The following GBE1 variants were observed in gnomAD, a reference collection of about 807,000 sequenced individuals.
The protein encoded by GBE1 is 1,4-alpha-glucan branching enzyme 1.
In GBE1, 70 loss-of-function variants were observed where a neutral mutation model predicts 88.8. The observed-to-expected ratio is 0.79, with a 90% confidence interval of 0.65 to 0.96. The LOEUF is 0.96. Among genes scored for constraint, GBE1 ranks in the 40% least tolerant of loss-of-function variants. The pLI is 0.00. For synonymous variants in GBE1, 284 were observed against 300.1 expected (o/e 0.95, Z 0.56); for missense variants, 872 against 871.0 (o/e 1.00, Z -0.01).
At chr3:81,576,097 A>T (rs948974411) in intron 12 of GBE1, among the ~76,000 whole-genome samples, 1 of 151,776 alleles carries the variant, frequency 6.6e-6, no homozygotes, top group Non-Finnish European at 1.5e-5. Flanking sequence ...ATTATTTTTC[A>T]GTCAGTAATA....
intron 1 of GBE1, among the ~76,000 whole-genome samples, chr3:81,747,725 A>G (rs937015099): frequency 2.0e-5 from 3 of 152,156 alleles, no homozygotes; most frequent in African/African-American, 7.2e-5. Flanking sequence ...TAACTGAGTG[A>G]TTAACCCTTT....
chr3:81,640,441 T>A (rs1230106983), intron 7 of GBE1, among the ~76,000 whole-genome samples: 1 of 152,082 alleles, frequency 6.6e-6, no homozygotes, highest in Non-Finnish European at 1.5e-5. Flanking sequence ...TTTGGACTCT[T>A]GGGCCTTTCA....
In GBE1 at chr3:81,760,361, A is replaced by G. The variant is rs143183044; in HGVS notation, c.143+1014T>C. Among the ~76,000 whole-genome samples, 11 of 152,362 alleles carry G rather than the reference A, an allele frequency of 7.2e-5. No individual in the cohort carries two copies. In the East Asian group the frequency reaches 1.3e-3, roughly 19 times the overall value. ...ACAAACAATTTGCTGGGCTTTTTTC[A>G]AACTCCAAATCAACCCATTTTCATT... is the stretch of plus-strand genomic sequence containing the variant. On this transcript the variant is annotated intron_variant, in intron 1 of 15. Transcript: ENST00000429644.
chr3:81,609,522 C>T (rs1026366946), intron 7 of GBE1, among the ~76,000 whole-genome samples: 1 of 151,948 alleles, frequency 6.6e-6, no homozygotes, highest in Non-Finnish European at 1.5e-5. Flanking sequence ...CTTCTAAAAT[C>T]TTATTTTCTA....
chr3:81,504,981 G>A (rs557740935), intron 14 of GBE1, among the ~76,000 whole-genome samples: 1 of 152,294 alleles, frequency 6.6e-6, no homozygotes, highest in Non-Finnish European at 1.5e-5. Flanking sequence ...CCAGTGACTA[G>A]ACGACTATAA....
At chr3:81,550,144 A>C (rs1013940923) in intron 12 of GBE1, among the ~76,000 whole-genome samples, 3 of 151,574 alleles carry the variant, frequency 2.0e-5, no homozygotes, top group Non-Finnish European at 4.4e-5. Context: ...AGTTTACTTG[A>C]GATAATTTTA....
rs188212639 is a variant in GBE1 at position 81,649,666 on chromosome 3, A to T, written c.555+130T>A. ...GATACTCATACAGTATAAAAGGAAT[A>T]CTATGATGTAAAATACGCAACTGTC... On this transcript the variant is annotated intron_variant, in intron 4 of 15. Coordinates refer to ENST00000429644, the MANE Select transcript of GBE1 (RefSeq NM_000158.4). 2.2e-4 allele frequency: 143 copies of T among 655,694 alleles called. No homozygotes were observed. In the East Asian group the frequency reaches 4.1e-3, roughly 19 times the overall value. The allele number at this position is 655,694 out of a possible 1,614,324, so 40.6% of individuals were successfully genotyped here. A position where few individuals can be genotyped will look rare whatever the true frequency, so the allele number is the denominator to read the frequency against.
intron 7 of GBE1, among the ~76,000 whole-genome samples, chr3:81,602,942 G>A (rs1337292197): frequency 6.6e-6 from 1 of 151,848 alleles, no homozygotes; most frequent in Non-Finnish European, 1.5e-5. Context: ...TCTTTTCTTG[G>A]CTGACTCATG....
At chr3:81,619,422 T>C (rs1412123680) in intron 7 of GBE1, among the ~76,000 whole-genome samples, 1 of 152,160 alleles carries the variant, frequency 6.6e-6, no homozygotes, top group Non-Finnish European at 1.5e-5. Context: ...ATTTCACATA[T>C]ATTAAGGGTA....
chr3:81,509,917 G>T (rs1273841877), intron 14 of GBE1, among the ~76,000 whole-genome samples: 1 of 151,594 alleles, frequency 6.6e-6, no homozygotes, highest in East Asian at 1.9e-4. Context: ...CCTTCATTTT[G>T]GATAATTTAT....
intron 7 of GBE1, among the ~76,000 whole-genome samples, chr3:81,629,018 GTTTTT>G (rs34707682): frequency 5.1e-5 from 5 of 98,002 alleles, no homozygotes; most frequent in Admixed American, 1.2e-4. Context: ...TTATGTTTAA[GTTTTT>G]TTTTTTTTTT....
Position 81,705,546 on chromosome 3 carries a change from T to G in GBE1, c.211A>C (p.Arg71=), listed in dbSNP as rs1576206635. The change falls in exon 2 of 16, where the codon AGA becomes CGA. Residue 71 remains arginine (R), a synonymous_variant. Coordinates refer to ENST00000429644, the MANE Select transcript of GBE1 (RefSeq NM_000158.4). ...TGGACGCCAAATGATTCATAGCCTCTGGAAAACTTATCAATACCACCTTCA... is the reference window on the plus strand; with the variant it reads ...TGGACGCCAAATGATTCATAGCCTCGGGAAAACTTATCAATACCACCTTCA... ...ENEGGIDKFS[R]GYESFGVHRC... 1.3e-6 allele frequency: 2 copies of G among 1,595,222 alleles called. No homozygotes were observed. The highest frequency in any genetic ancestry group is 2.3e-5 in the South Asian group (2 of 87,858).
intron 1 of GBE1, among the ~76,000 whole-genome samples, chr3:81,724,256 C>G (rs1454061565): frequency 1.3e-5 from 2 of 152,114 alleles, no homozygotes; most frequent in Non-Finnish European, 2.9e-5. Flanking sequence ...TTATATAACT[C>G]ACTTTAAGTG....
chr3:81,532,568 A>C (rs1382556659), intron 14 of GBE1, among the ~76,000 whole-genome samples: 1 of 152,076 alleles, frequency 6.6e-6, no homozygotes, highest in African/African-American at 2.4e-5. Flanking sequence ...CTGTACTTCC[A>C]ATCTCTTTCC....
chr3:81,552,441 C>T lies in GBE1; in HGVS notation c.1619-15346G>A, dbSNP rs537627752. On this transcript the variant is annotated intron_variant, in intron 12 of 15. Transcript: ENST00000429644. The stretch of plus-strand genomic sequence containing the variant: ...CTGAGGCAGGAAAATTGCTTGAACC[C>T]GGAAGGTGGAGGTTGCAGTGAGCTG... Among the ~76,000 whole-genome samples the T allele has an allele frequency of 3.9e-4, 59 of 151,010 alleles. 1 individual carries two copies. The highest frequency in any genetic ancestry group is 2.3e-3 in the Admixed American group (35 of 15,132).
intron 3 of GBE1, among the ~76,000 whole-genome samples, chr3:81,650,903 T>C (rs1481296928): frequency 2.6e-5 from 4 of 152,174 alleles, no homozygotes; most frequent in African/African-American, 9.6e-5. Flanking sequence ...CTTGAGCTCC[T>C]GGGCTCAAGT....
chr3:81,528,231 G>T (rs572635877), intron 14 of GBE1, among the ~76,000 whole-genome samples: 25 of 139,992 alleles, frequency 1.8e-4, no homozygotes, highest in Admixed American at 1.6e-3. Context: ...GTGGGAGGAG[G>T]GGGGAGGGGG....
intron 14 of GBE1, among the ~76,000 whole-genome samples, chr3:81,523,253 T>C (rs1455160242): frequency 6.6e-6 from 1 of 151,082 alleles, no homozygotes; most frequent in East Asian, 1.9e-4. Flanking sequence ...GATAGATCCT[T>C]ATAGCTTGAC....
At chr3:81,678,946 C>T (rs780863792) in intron 2 of GBE1, among the ~76,000 whole-genome samples, 4 of 152,062 alleles carry the variant, frequency 2.6e-5, no homozygotes, top group Non-Finnish European at 4.4e-5. Context: ...AAAACATCTA[C>T]TGATAGTAGG....
Sources: gnomAD v4.1 joint callset for allele counts (sites outside exome capture counted in the v4.1 genomes callset) on GRCh38, gnomAD v4.1.1 for gene constraint, MANE v1.5 for transcripts, NCBI Gene and HGNC (gene_info 2026-07-23, HGNC 2026-07-21) for gene names.